Variants in RIMBP2 observed in about 807,000 individuals in gnomAD.
RIMBP2 encodes the protein RIMS binding protein 2, also known as RIMS-binding protein 2.
Under a neutral mutation model 118.6 loss-of-function variants are expected in RIMBP2, and 48 were observed. The observed-to-expected ratio is 0.40, with a 90% CI of 0.32 to 0.51. The LOEUF (loss-of-function observed/expected upper bound fraction) is 0.51. RIMBP2 is among the 20% of genes least tolerant of loss of function. RIMBP2 has a pLI of 0.41. For synonymous variants in RIMBP2, 762 were observed against 742.9 expected (o/e 1.03, Z -0.42); for missense variants, 1,551 against 1,768.3 (o/e 0.88, Z 2.20).
intron 2 of RIMBP2, among the ~76,000 whole-genome samples, chr12:130,595,938 T>C (rs1378349243): frequency 1.3e-5 from 2 of 152,184 alleles, no homozygotes; most frequent in African/African-American, 4.8e-5. Flanking sequence ...GACAGAAATC[T>C]AGCACTGATA....
chr12:130,542,020 G>A (rs1480887016), intron 2 of RIMBP2, among the ~76,000 whole-genome samples: 1 of 152,094 alleles, frequency 6.6e-6, no homozygotes, highest in East Asian at 1.9e-4. Flanking sequence ...CAGAACTGGG[G>A]GTACAGCAAA....
chr12:130,664,176 G>T (rs2063771231), intron 1 of RIMBP2, among the ~76,000 whole-genome samples: 2 of 151,692 alleles, frequency 1.3e-5, no homozygotes, highest in African/African-American at 2.4e-5. Context: ...TTTCCCCTAG[G>T]ATTAAGCAGA....
intron 2 of RIMBP2, among the ~76,000 whole-genome samples, chr12:130,547,004 G>A (rs2139655565): frequency 6.6e-6 from 1 of 152,204 alleles, no homozygotes; most frequent in Middle Eastern, 3.4e-3. Flanking sequence ...GGGAGGAGGA[G>A]GGACAGTTGT....
chr12:130,397,225 T>C lies in RIMBP2; in HGVS notation c.*136A>G. On this transcript the variant is annotated 3_prime_UTR_variant, in exon 23 of 23. Transcript: ENST00000690449. Reference sequence around the variant, plus strand: ...CTCGTGGTTGGTTTAAAGTGGTTGGTAGTGCAAAAGTGCATTTCTCTACTG... The same window carrying C: ...CTCGTGGTTGGTTTAAAGTGGTTGGCAGTGCAAAAGTGCATTTCTCTACTG... 1 of 390,342 alleles carries C rather than the reference T, an allele frequency of 2.6e-6. No homozygotes were observed. Among genetic ancestry groups the C allele is most frequent in the Non-Finnish European group, 4.5e-6 (1 of 221,140 alleles). The allele number at this position is 390,342 out of a possible 1,614,324, so 24.2% of individuals were successfully genotyped here.
chr12:130,656,409 C>T (rs932142836), intron 1 of RIMBP2, among the ~76,000 whole-genome samples: 1 of 152,164 alleles, frequency 6.6e-6, no homozygotes, highest in Non-Finnish European at 1.5e-5. Context: ...CTTTCATGTC[C>T]CCTCTCCTGG....
intron 4 of RIMBP2, among the ~76,000 whole-genome samples, chr12:130,483,473 T>C (rs1215284525): frequency 6.6e-6 from 1 of 152,186 alleles, no homozygotes; most frequent in Non-Finnish European, 1.5e-5. Flanking sequence ...TTACTTTTTA[T>C]AAACAAAGGG....
At chr12:130,417,285 C>G (rs796737836) in intron 17 of RIMBP2, among the ~76,000 whole-genome samples, 3 of 152,298 alleles carry the variant, frequency 2.0e-5, no homozygotes, top group African/African-American at 7.2e-5. Context: ...GACACAGGCA[C>G]TCAATATGGT....
In RIMBP2 at chr12:130,439,755, G is replaced by T. The variant is rs376738572; in HGVS notation, c.1505-1239C>A. Among the ~76,000 whole-genome samples, 37 of 148,870 alleles carry T rather than the reference G, an allele frequency of 2.5e-4. 1 individual carries two copies. The East Asian group carries it at 6.0e-3, about 24-fold the overall frequency. Reference sequence around the variant, plus strand: ...GGTGTGTGTATGTGGGTCTGTGGGGGTGTCTGTGTGTGTGTGTATGTGGGT... The same window carrying T: ...GGTGTGTGTATGTGGGTCTGTGGGGTTGTCTGTGTGTGTGTGTATGTGGGT... On this transcript the variant is annotated intron_variant, in intron 11 of 22. Coordinates refer to ENST00000690449, the MANE Select transcript of RIMBP2 (RefSeq NM_001393629.1).
At chr12:130,428,415 C>A (rs2076934105) in intron 14 of RIMBP2, 78 bp from the exon 15 acceptor site, 2 of 1,466,740 alleles carry the variant, frequency 1.4e-6, no homozygotes, top group African/African-American at 1.4e-5. Context: ...GCTTGCCAAC[C>A]CTTTCCCTGC....
At chr12:130,549,623 C>T (rs2055535338) in intron 2 of RIMBP2, among the ~76,000 whole-genome samples, 1 of 152,178 alleles carries the variant, frequency 6.6e-6, no homozygotes, top group Admixed American at 6.5e-5. Context: ...GTTTTCTCTT[C>T]CTGTGTTAGT....
At chr12:130,499,014 A>T (rs549562569) in intron 4 of RIMBP2, among the ~76,000 whole-genome samples, 51 of 152,372 alleles carry the variant, frequency 3.3e-4, no homozygotes, top group South Asian at 8.3e-4. Context: ...CAGTTCCTCA[A>T]GCTGTACAGG....
intron 2 of RIMBP2, among the ~76,000 whole-genome samples, chr12:130,583,391 C>T (rs1452651711): frequency 3.0e-5 from 4 of 132,532 alleles, no homozygotes; most frequent in African/African-American, 1.2e-4. Context: ...CCATCACCAC[C>T]ATCACCTCAT....
intron 2 of RIMBP2, among the ~76,000 whole-genome samples, chr12:130,548,634 C>T (rs906453436): frequency 1.1e-4 from 17 of 152,032 alleles, no homozygotes; most frequent in African/African-American, 3.9e-4. Context: ...AGTGCAGTGG[C>T]ATAATCTGGG....
intron 2 of RIMBP2, among the ~76,000 whole-genome samples, chr12:130,573,440 G>A (rs145722501): frequency 5.7e-4 from 87 of 152,088 alleles, no homozygotes; most frequent in Middle Eastern, 6.8e-3. Context: ...GGGTGTGTGC[G>A]TGGGTGCGTG....
At chr12:130,531,853 G>T (rs915010453) in intron 2 of RIMBP2, among the ~76,000 whole-genome samples, 2 of 150,838 alleles carry the variant, frequency 1.3e-5, no homozygotes, top group African/African-American at 4.9e-5. Context: ...AATGAGATGC[G>T]TATGTTTAGC....
chr12:130,397,719 C>T (rs779321361), intron 22 of RIMBP2, 170 bp from the exon 23 acceptor site: 5 of 387,460 alleles, frequency 1.3e-5, no homozygotes, highest in Non-Finnish European at 1.8e-5. Flanking sequence ...CCACAGCACG[C>T]CAGAGAGAGG....
intron 1 of RIMBP2, among the ~76,000 whole-genome samples, chr12:130,657,334 C>A (rs548496037): frequency 2.0e-5 from 3 of 152,308 alleles, no homozygotes; most frequent in African/African-American, 7.2e-5. Context: ...AGGACTTCAA[C>A]ACCTTTGTGG....
intron 17 of RIMBP2, among the ~76,000 whole-genome samples, chr12:130,421,908 G>A (rs1263362883): frequency 2.0e-5 from 3 of 152,232 alleles, no homozygotes; most frequent in Non-Finnish European, 4.4e-5. Context: ...AAGTCAGGAA[G>A]AGAATGGAAA....
chr12:130,646,197 C>G lies in RIMBP2; in HGVS notation c.-351-17741G>C, dbSNP rs1467782231. On this transcript the variant is annotated intron_variant, in intron 1 of 22. Coordinates refer to ENST00000690449, the MANE Select transcript of RIMBP2 (RefSeq NM_001393629.1). The stretch of plus-strand genomic sequence containing the variant: ...TGCCTCTCCACCTCCCTCACCACTT[C>G]CCTCTCCACCTCCCTCTCCACCTCC... Among the ~76,000 whole-genome samples, 59 of 68,266 alleles carry G rather than the reference C, an allele frequency of 8.6e-4. 3 individuals are homozygous for G. Among genetic ancestry groups the G allele is most frequent in the African/African-American group, 1.6e-3 (34 of 21,726 alleles). The allele number at this position is 68,266 out of a possible 152,430, so 44.8% of individuals were successfully genotyped here.
Sources: gnomAD v4.1 joint callset for allele counts (sites outside exome capture counted in the v4.1 genomes callset) on GRCh38, gnomAD v4.1.1 for gene constraint, MANE v1.5 for transcripts, NCBI Gene and HGNC (gene_info 2026-07-23, HGNC 2026-07-21) for gene names.